MARCHF1: variants seen among roughly 807,000 people sequenced by gnomAD.
MARCHF1 encodes E3 ubiquitin-protein ligase MARCHF1.
In MARCHF1, 40 loss-of-function variants were observed where a neutral mutation model predicts 54.2. That is an observed-to-expected ratio of 0.74 (90% CI 0.57 to 0.96). The LOEUF is 0.96. Ranked by LOEUF, MARCHF1 falls within the 40% of genes least tolerant of loss-of-function variation. MARCHF1 has a pLI of 0.00. For synonymous variants in MARCHF1, 236 were observed against 236.3 expected, an observed-to-expected ratio of 1.00 and a Z score of 0.01; for missense variants, 586 against 656.5, an observed-to-expected ratio of 0.89 and a Z score of 1.17.
intron 8 of MARCHF1, among the ~76,000 whole-genome samples, chr4:163,573,749 T>C (rs1296495460): frequency 6.6e-6 from 1 of 152,012 alleles, no homozygotes; most frequent in Non-Finnish European, 1.5e-5. Context: ...TCTTTGCTAT[T>C]GTGAATAGTG....
intron 3 of MARCHF1, among the ~76,000 whole-genome samples, chr4:163,976,389 G>C (rs1752650474): frequency 6.6e-6 from 1 of 152,114 alleles, no homozygotes; most frequent in Admixed American, 6.6e-5. Flanking sequence ...TAGAGGTCTT[G>C]GCGAAGGATA....
intron 4 of MARCHF1, among the ~76,000 whole-genome samples, chr4:163,727,900 T>G (rs1283918389): frequency 7.9e-5 from 12 of 152,034 alleles, no homozygotes; most frequent in Admixed American, 7.2e-4. Flanking sequence ...TTATCCAGGC[T>G]GGTCTTAAAC....
At chr4:164,142,322 A>T (rs933458113) in intron 1 of MARCHF1, among the ~76,000 whole-genome samples, 1 of 152,138 alleles carries the variant, frequency 6.6e-6, no homozygotes, top group Non-Finnish European at 1.5e-5. Context: ...AGCCCACCAC[A>T]GCTCAAGGAG....
intron 8 of MARCHF1, chr4:163,584,297 T>C (rs1179818536): frequency 6.6e-6 from 1 of 152,016 alleles, no homozygotes; most frequent in East Asian, 1.9e-4. Context: ...AAAGTTGAAA[T>C]GAAAATTTTA....
At chr4:164,048,391 T>C (rs1298081709) in intron 2 of MARCHF1, among the ~76,000 whole-genome samples, 1 of 152,168 alleles carries the variant, frequency 6.6e-6, no homozygotes, top group Non-Finnish European at 1.5e-5. Context: ...TCCTTGGAGT[T>C]ATTTATAAAC....
chr4:164,188,239 G>A (rs1731025405), intron 1 of MARCHF1: 1 of 246,624 alleles, frequency 4.1e-6, no homozygotes, highest in Admixed American at 5.0e-5. Context: ...TCTCGATGCC[G>A]GCCGAGACAG....
chr4:164,327,145 T>C (rs1295562626), intron 1 of MARCHF1, among the ~76,000 whole-genome samples: 1 of 152,112 alleles, frequency 6.6e-6, no homozygotes, highest in African/African-American at 2.4e-5. Context: ...AAAATAGTAA[T>C]CAGAAATATA....
chr4:164,077,545 T>G (rs548866531), intron 2 of MARCHF1, among the ~76,000 whole-genome samples: 1 of 152,156 alleles, frequency 6.6e-6, no homozygotes, highest in East Asian at 1.9e-4. Context: ...CTAACTAAAC[T>G]AAAGAGCTTC....
At chr4:163,659,176 T>A (rs1165962994) in intron 5 of MARCHF1, among the ~76,000 whole-genome samples, 1 of 151,978 alleles carries the variant, frequency 6.6e-6, no homozygotes, top group Non-Finnish European at 1.5e-5. Context: ...AGTCTAGATT[T>A]TTACTCAGAA....
At chr4:164,047,050 T>A (rs971213477) in intron 2 of MARCHF1, among the ~76,000 whole-genome samples, 1 of 152,198 alleles carries the variant, frequency 6.6e-6, no homozygotes. Flanking sequence ...TTTATAAGTG[T>A]CATTATGTAT....
At chr4:164,069,532 C>A (rs934601914) in intron 2 of MARCHF1, among the ~76,000 whole-genome samples, 1 of 151,850 alleles carries the variant, frequency 6.6e-6, no homozygotes. Context: ...CCAGACACGC[C>A]GCCTTAAGAG....
chr4:163,841,668 T>C (rs914717340), intron 4 of MARCHF1, among the ~76,000 whole-genome samples: 1 of 152,130 alleles, frequency 6.6e-6, no homozygotes, highest in African/African-American at 2.4e-5. Flanking sequence ...ATAGGTGAAA[T>C]TATTCAACCC....
At chr4:164,200,285 T>C (rs1462337938) in intron 1 of MARCHF1, among the ~76,000 whole-genome samples, 1 of 152,220 alleles carries the variant, frequency 6.6e-6, no homozygotes, top group Non-Finnish European at 1.5e-5. Flanking sequence ...AAACATTAAA[T>C]AGTCATTTTG....
At chr4:163,798,557 T>C (rs1413199131) in intron 4 of MARCHF1, among the ~76,000 whole-genome samples, 1 of 152,090 alleles carries the variant, frequency 6.6e-6, no homozygotes, top group African/African-American at 2.4e-5. Context: ...GGTGCCAAAT[T>C]CTAATCAAGC....
chr4:163,782,630 C>G (rs1747498702), intron 4 of MARCHF1, among the ~76,000 whole-genome samples: 1 of 139,236 alleles, frequency 7.2e-6, no homozygotes, highest in Non-Finnish European at 1.5e-5. Context: ...GATAGTGCCA[C>G]TGCACTCCAG....
chr4:163,876,107 C>T (rs1270669230), intron 3 of MARCHF1, among the ~76,000 whole-genome samples: 1 of 151,740 alleles, frequency 6.6e-6, no homozygotes, highest in African/African-American at 2.4e-5. Context: ...CATGACAAAC[C>T]CTAGACAGTA....
At chr4:163,851,147 A>G (rs990643283) in intron 4 of MARCHF1, among the ~76,000 whole-genome samples, 6 of 152,186 alleles carry the variant, frequency 3.9e-5, no homozygotes, top group Admixed American at 2.0e-4. Flanking sequence ...GGAAAAAAAA[A>G]TTAAGGTAAT....
intron 1 of MARCHF1, among the ~76,000 whole-genome samples, chr4:164,159,653 T>A (rs1299244849): frequency 6.6e-6 from 1 of 152,158 alleles, no homozygotes; most frequent in Non-Finnish European, 1.5e-5. Flanking sequence ...GTCCAGGTGA[T>A]ACTTGTAAAT....
intron 1 of MARCHF1, chr4:164,197,491 C>T (rs1234653581): frequency 6.2e-7 from 1 of 1,613,626 alleles, no homozygotes; most frequent in African/African-American, 1.3e-5. Context: ...TTCCAGGCCC[C>T]CTGAGACTCT....
Sources: allele counts gnomAD v4.1 joint callset (sites outside exome capture counted in the v4.1 genomes callset), GRCh38; gene constraint gnomAD v4.1.1; transcripts MANE v1.5; gene names NCBI Gene and HGNC (gene_info 2026-07-23, HGNC 2026-07-21).